Variants in KIAA0319 observed in about 807,000 individuals in gnomAD.
KIAA0319 encodes the protein dyslexia-associated protein KIAA0319.
In KIAA0319, 83 loss-of-function variants were observed where a neutral mutation model predicts 108.4. The ratio of observed to expected loss-of-function variants is 0.77; its 90% confidence interval spans 0.64 to 0.92. The LOEUF (loss-of-function observed/expected upper bound fraction) is 0.92, where lower values mean the gene tolerates loss of function less well. Ranked by LOEUF, KIAA0319 falls within the 40% of genes least tolerant of loss-of-function variation. The pLI, the probability that KIAA0319 is intolerant of heterozygous loss-of-function variation, is 0.00. For synonymous variants in KIAA0319, 484 were observed against 510.4 expected (o/e 0.95, Z 0.70); for missense variants, 1,195 against 1,322.4 (o/e 0.90, Z 1.49).
At chr6:24,561,216 G>A (rs1763056397) in intron 16 of KIAA0319, among the ~76,000 whole-genome samples, 2 of 152,188 alleles carry the variant, frequency 1.3e-5, no homozygotes, top group African/African-American at 2.4e-5. Context: ...TTCTTGTGAT[G>A]TCTTTGTCTG....
At chr6:24,598,940 G>C in intron 2 of KIAA0319, 1 of 575,472 alleles carries the variant, frequency 1.7e-6, no homozygotes, top group South Asian at 1.8e-5. Context: ...TCCTCATCAA[G>C]AGGGATGTGG....
intron 12 of KIAA0319, 69 bp from the exon 13 acceptor site, chr6:24,568,998 T>C: frequency 6.7e-7 from 1 of 1,485,210 alleles, no homozygotes; most frequent in Non-Finnish European, 9.3e-7. Flanking sequence ...GGCATGCGAT[T>C]TGTGCTCTTA....
chr6:24,614,958 T>C (rs1772934416), intron 1 of KIAA0319, among the ~76,000 whole-genome samples: 1 of 151,996 alleles, frequency 6.6e-6, no homozygotes, highest in African/African-American at 2.4e-5. Flanking sequence ...TGCAACTATA[T>C]CCCCAGGAAC....
intron 19 of KIAA0319, among the ~76,000 whole-genome samples, chr6:24,553,288 TATATATACACAC>T (rs1214137953): frequency 1.2e-5 from 1 of 82,166 alleles, no homozygotes. Context: ...TATATATATA[TATATATACACAC>T]ACACACACAC....
At position 24,556,727 on chromosome 6, in the gene KIAA0319, A is replaced by G; in HGVS notation, c.2737T>C (p.Cys913Arg). The change falls in exon 18 of 21, where the codon TGC becomes CGC. Residue 913 changes from cysteine (C) to arginine (R), a missense_variant and splice_region_variant. By Grantham distance (180) the Cys-to-Arg change is radical. Transcript: ENST00000378214. Reference protein sequence around the residue: ...FKVLRVDTAGCLLKCSGHGHC... With the variant: ...FKVLRVDTAGRLLKCSGHGHC... ...CCATGGCCAGAACACTTCAGAAGGCAACCTGCAAAGAGGTGTGTAGGGCTG... is the reference window on the plus strand; with the variant it reads ...CCATGGCCAGAACACTTCAGAAGGCGACCTGCAAAGAGGTGTGTAGGGCTG... The G allele has an allele frequency of 6.2e-7, 1 of 1,613,402 alleles. No homozygotes were observed. Among genetic ancestry groups the G allele is most frequent in the South Asian group, 1.1e-5 (1 of 90,990 alleles).
At chr6:24,637,857 AC>A (rs1287134757) in intron 1 of KIAA0319, among the ~76,000 whole-genome samples, 9 of 151,976 alleles carry the variant, frequency 5.9e-5, no homozygotes, top group African/African-American at 2.2e-4. Context: ...GGAAATCAGA[AC>A]CCCAGGTCTG....
At chr6:24,645,245 AGTAT>A (rs1442725488) in intron 1 of KIAA0319, among the ~76,000 whole-genome samples, 1 of 152,234 alleles carries the variant, frequency 6.6e-6, no homozygotes, top group African/African-American at 2.4e-5. Flanking sequence ...AGTGCACATG[AGTAT>A]GTATATCATA....
At chr6:24,615,132 T>C (rs1197588296) in intron 1 of KIAA0319, among the ~76,000 whole-genome samples, 2 of 152,234 alleles carry the variant, frequency 1.3e-5, no homozygotes, top group African/African-American at 4.8e-5. Flanking sequence ...ATTTACATTA[T>C]ACAGCTTTTT....
intron 5 of KIAA0319, 96 bp downstream of exon 5, chr6:24,583,508 T>C (rs1766946275): frequency 1.2e-6 from 1 of 822,324 alleles, no homozygotes; most frequent in Non-Finnish European, 2.0e-6. Context: ...CGTGCAATAC[T>C]GTGAAAAAGA....
In KIAA0319 at chr6:24,582,406, G is replaced by C. The variant is rs940473683; in HGVS notation, c.1094-60C>G. The C allele has an allele frequency of 3.0e-6, 3 of 1,001,962 alleles. No homozygotes were observed. The African/African-American group carries it at 4.8e-5, about 16-fold the overall frequency. 62.1% of individuals were successfully genotyped at this position (1,001,962 alleles called of 1,614,324 possible). A position where few individuals can be genotyped will look rare whatever the true frequency, so the allele number is the denominator to read the frequency against. On this transcript the variant is annotated intron_variant, in intron 5 of 20. Transcript: ENST00000378214. ...TTCTGAGAGGACACTAGATAACCTG[G>C]GCAGAGGGAAGATGACAGCCTTTAA...
intron 1 of KIAA0319, among the ~76,000 whole-genome samples, chr6:24,611,472 C>T (rs575132685): frequency 6.6e-6 from 1 of 151,954 alleles, no homozygotes; most frequent in East Asian, 1.9e-4. Context: ...GCACTCTAGC[C>T]CGGGCGACAG....
intron 1 of KIAA0319, among the ~76,000 whole-genome samples, chr6:24,630,508 C>CAAAAAAAAAAAAA (rs66787757): frequency 9.6e-6 from 1 of 104,458 alleles, no homozygotes; most frequent in Non-Finnish European, 1.9e-5. Context: ...GATTCTGTCT[C>CAAAAAAAAAAAAA]AAAAAAAAAA....
intron 1 of KIAA0319, among the ~76,000 whole-genome samples, chr6:24,609,536 A>G (rs923606704): frequency 6.6e-6 from 1 of 152,132 alleles, no homozygotes; most frequent in African/African-American, 2.4e-5. Flanking sequence ...AGATCACGCC[A>G]CTGCACTCCA....
intron 1 of KIAA0319, 144 bp from the exon 2 acceptor site, chr6:24,601,352 C>T: frequency 7.5e-7 from 1 of 1,325,418 alleles, no homozygotes; most frequent in Non-Finnish European, 9.6e-7. Flanking sequence ...AAACATCCAC[C>T]TAGAGCGTTT....
intron 1 of KIAA0319, among the ~76,000 whole-genome samples, chr6:24,601,600 T>C (rs771338458): frequency 5.3e-5 from 8 of 152,214 alleles, no homozygotes; most frequent in Non-Finnish European, 1.2e-4. Flanking sequence ...TGTGCTCTAA[T>C]TGGAGGCTGT....
In KIAA0319 at chr6:24,596,084, G is replaced by T. The variant is rs1354661323; in HGVS notation, c.590C>A (p.Ser197Tyr). The T allele has an allele frequency of 6.2e-7, 1 of 1,613,954 alleles. No individual in the cohort carries two copies. The highest frequency in any genetic ancestry group is 8.5e-7 in the Non-Finnish European group (1 of 1,179,946). The change falls in exon 3 of 21, where the codon TCC becomes TAC. Residue 197 changes from serine (S) to tyrosine (Y), a missense_variant. Ser to Tyr is a moderately radical substitution (Grantham distance 144). Transcript: ENST00000378214. ...LLPGSEGAFN[S>Y]SVGDSPAVPA... is the part of the protein sequence containing the mutation. ...CACCGCAGGACTGTCTCCAACAGAG[G>T]AGTTGAAGGCCCCCTCGCTGCCCGG...
chr6:24,593,636 C>G (rs937547791), intron 3 of KIAA0319, among the ~76,000 whole-genome samples: 2 of 151,088 alleles, frequency 1.3e-5, no homozygotes, highest in African/African-American at 2.4e-5. Context: ...TTCCTGACCT[C>G]GTGATCCACC....
intron 5 of KIAA0319, chr6:24,583,343 T>G: frequency 1.5e-6 from 1 of 679,226 alleles, no homozygotes; most frequent in Non-Finnish European, 2.0e-6. Flanking sequence ...TGATCTGCTT[T>G]GCATCATCAG....
At chr6:24,585,248 C>T (rs1767288607) in intron 4 of KIAA0319, among the ~76,000 whole-genome samples, 1 of 151,830 alleles carries the variant, frequency 6.6e-6, no homozygotes, top group Non-Finnish European at 1.5e-5. Flanking sequence ...ACCCCCAAAT[C>T]ACTAAGCCAA....
Sources: gnomAD v4.1 joint callset for allele counts (sites outside exome capture counted in the v4.1 genomes callset) on GRCh38, gnomAD v4.1.1 for gene constraint, MANE v1.5 for transcripts, NCBI Gene and HGNC (gene_info 2026-07-23, HGNC 2026-07-21) for gene names.